GNL1: variants seen among roughly 807,000 people sequenced by gnomAD.
GNL1 encodes the protein guanine nucleotide-binding protein-like 1.
In GNL1, 21 loss-of-function variants were observed where a neutral mutation model predicts 75.2. That is an observed-to-expected ratio of 0.28 (90% CI 0.20 to 0.40). The LOEUF is 0.40. GNL1 is among the 10% of genes least tolerant of loss of function. The pLI, the probability that GNL1 is intolerant of heterozygous loss-of-function variation, is 1.00. For missense variants in GNL1, 579 were observed against 775.0 expected, an observed-to-expected ratio of 0.75 and a Z score of 3.00; for synonymous variants, 287 against 303.4, an observed-to-expected ratio of 0.95 and a Z score of 0.56.
Position 30,547,199 on chromosome 6 carries a change from G to C in GNL1, c.1354C>G (p.Pro452Ala). The C allele has an allele frequency of 6.2e-7, 1 of 1,613,130 alleles. No homozygotes were observed. Among genetic ancestry groups the C allele is most frequent in the Non-Finnish European group, 8.5e-7 (1 of 1,179,498 alleles). Residue 452 changes from proline (P) to alanine (A), a missense_variant, in exon 10 of 12, where the codon CCC becomes GCC. Coordinates refer to ENST00000376621, the MANE Select transcript of GNL1 (RefSeq NM_005275.5). This position sits in a 1 kb window ranked among gnomAD's most constrained non-coding sequence, Gnocchi z 5.5. ...CGCAGGTGGAGCAGGGCCTGCACGG[G>C]AATTCGGGAGGCCAGGTAGCCCACA... ...TAVGYLASRIPVQALLHLRHP... is the reference protein window; with the variant it reads ...TAVGYLASRIAVQALLHLRHP...
chr6:30,555,466 G>A lies in GNL1; in HGVS notation c.239+89C>T, dbSNP rs931660890. On this transcript the variant is annotated intron_variant, in intron 2 of 11. Transcript: ENST00000376621. This position sits in a 1 kb window ranked among gnomAD's most constrained non-coding sequence, Gnocchi z 4.3. ...AGAACTGTGGCATCCCAGGCCCACC[G>A]TCTTCACCAGTAGCAGCCCGCTTTC... 14 of 1,323,478 alleles carry A rather than the reference G, an allele frequency of 1.1e-5. No individual in the cohort carries two copies. The highest frequency in any genetic ancestry group is 1.5e-5 in the Non-Finnish European group (14 of 948,012). The allele number at this position is 1,323,478 out of a possible 1,614,324, so 82.0% of individuals were successfully genotyped here.
At chr6:30,554,741 C>CTGTCCCTAGAGTACACTG in intron 4 of GNL1, 23 bp downstream of exon 4, 1 of 1,612,022 alleles carries the variant, frequency 6.2e-7, no homozygotes. Context: ...TGCCCCACTC[C>CTGTCCCTAGAGTACACTG]TGTCCCTAGA....
chr6:30,548,327 T>C lies in GNL1; in HGVS notation c.1100-797A>G, dbSNP rs1293586079. On this transcript the variant is annotated intron_variant, in intron 8 of 11. Transcript: ENST00000376621. The surrounding 1 kb of genome is among the most constrained non-coding windows in gnomAD (Gnocchi z 4.2). Reference sequence around the variant, plus strand: ...TCTCCCTTCCACAGAGCATCTCCTTTACCCCACCTCAGCTGCCCACTCCCA... The same window carrying C: ...TCTCCCTTCCACAGAGCATCTCCTTCACCCCACCTCAGCTGCCCACTCCCA... 1.3e-5 allele frequency among the ~76,000 whole-genome samples: 2 copies of C among 152,038 alleles called. No homozygotes were observed. Among genetic ancestry groups the C allele is most frequent in the African/African-American group, 2.4e-5 (1 of 41,398 alleles).
At position 30,546,504 on chromosome 6, in the gene GNL1, A is replaced by G. The variant is rs1404589608; in HGVS notation, c.1583-191T>C. On this transcript the variant is annotated intron_variant, in intron 11 of 11. Coordinates refer to ENST00000376621, the MANE Select transcript of GNL1 (RefSeq NM_005275.5). This position sits in a 1 kb window ranked among gnomAD's most constrained non-coding sequence, Gnocchi z 5.1. Reference sequence around the variant, plus strand: ...AGAACCTTTGTGCACATCAACTTCAATCTTTACAATCACTATGCTAAGGGT... The same window carrying G: ...AGAACCTTTGTGCACATCAACTTCAGTCTTTACAATCACTATGCTAAGGGT... The G allele has an allele frequency of 4.5e-6, 3 of 668,390 alleles. No individual in the cohort carries two copies. Among genetic ancestry groups the G allele is most frequent in the Non-Finnish European group, 5.2e-6 (2 of 386,512 alleles). 41.4% of individuals were successfully genotyped at this position (668,390 alleles called of 1,614,324 possible).
rs1310162377 is a variant in GNL1 at position 30,547,117 on chromosome 6, C to T, written c.1436G>A (p.Cys479Tyr). 1 of 1,611,542 alleles carries T rather than the reference C, an allele frequency of 6.2e-7. No individual in the cohort carries two copies. The highest frequency in any genetic ancestry group is 8.5e-7 in the Non-Finnish European group (1 of 1,179,630). Residue 479 changes from cysteine (C) to tyrosine (Y), a missense_variant, in exon 10 of 12, where the codon TGT (cysteine) becomes TAT (tyrosine). Cys to Tyr is a radical substitution (Grantham distance 194). Transcript: ENST00000376621. This position sits in a 1 kb window ranked among gnomAD's most constrained non-coding sequence, Gnocchi z 5.5. ...AEHPWCAWDI[C>Y]EAWAEKRGYK... ...GCCAGGCACATGGAACTCACCTTCA[C>T]AGATGTCCCAGGCACACCAGGGGTG...
At position 30,542,153 on chromosome 6, in the gene GNL1, ACC is replaced by A. The variant is rs1799205082; in HGVS notation, c.*3917_*3918del. ...CGCTTTTCCTCCAAATTATTCCTTA[ACC>A]CTCTGACATCTGGGGCTTCTGATTC... On this transcript the variant is annotated 3_prime_UTR_variant, in exon 12 of 12. Transcript: ENST00000376621. This position sits in a 1 kb window ranked among gnomAD's most constrained non-coding sequence, Gnocchi z 4.5. 1 of 151,236 alleles carries A rather than the reference ACC, an allele frequency of 6.6e-6. No individual in the cohort carries two copies. Among genetic ancestry groups the A allele is most frequent in the African/African-American group, 2.4e-5 (1 of 40,970 alleles). The allele number at this position is 151,236 out of a possible 1,614,324, so 9.4% of individuals were successfully genotyped here. A position where few individuals can be genotyped will look rare whatever the true frequency, so the allele number is the denominator to read the frequency against.
Position 30,543,515 on chromosome 6 carries a change from T to C in GNL1, c.*2557A>G, listed in dbSNP as rs1415773816. ...ATAATTATAGTACTAACCATCTTAT[T>C]TAGTTATGACAGTTCAATAGAAACA... On this transcript the variant is annotated 3_prime_UTR_variant, in exon 12 of 12. Coordinates refer to ENST00000376621, the MANE Select transcript of GNL1 (RefSeq NM_005275.5). 1 of 152,192 alleles carries C rather than the reference T, an allele frequency of 6.6e-6. No individual in the cohort carries two copies. Among genetic ancestry groups the C allele is most frequent in the African/African-American group, 2.4e-5 (1 of 41,452 alleles). The allele number at this position is 152,192 out of a possible 1,614,324, so 9.4% of individuals were successfully genotyped here.
rs1296755404 is a variant in GNL1, at chr6:30,555,908, G to C, written c.74-188C>G. ...CACTCCTTCAGGGAGCAGTGGGGAC[G>C]GCGCCCCGTGCTAGCTGGAGGGATT... On this transcript the variant is annotated intron_variant, in intron 1 of 11. Transcript: ENST00000376621. The surrounding 1 kb of genome is among the most constrained non-coding windows in gnomAD (Gnocchi z 4.3). The C allele has an allele frequency of 2.5e-6, 2 of 787,860 alleles. No individual in the cohort carries two copies. The highest frequency in any genetic ancestry group is 4.0e-6 in the Non-Finnish European group (2 of 494,570). 48.8% of individuals were successfully genotyped at this position (787,860 alleles called of 1,614,324 possible).
intron 5 of GNL1, among the ~76,000 whole-genome samples, 166 bp from the exon 6 acceptor site, chr6:30,553,723 GGTTA>G (rs1472659971): frequency 6.6e-6 from 1 of 152,114 alleles, no homozygotes; most frequent in African/African-American, 2.4e-5. Context: ...ACAAAACAGG[GGTTA>G]GTAATACTTC....
Position 30,547,812 on chromosome 6 carries a change from A to C in GNL1, c.1100-282T>G. On this transcript the variant is annotated intron_variant, in intron 8 of 11. Coordinates refer to ENST00000376621, the MANE Select transcript of GNL1 (RefSeq NM_005275.5). This position sits in a 1 kb window ranked among gnomAD's most constrained non-coding sequence, Gnocchi z 5.5. ...CAGGATTAAATGAGATAACCAATAC[A>C]ACTTGTGTGGGTCAGTGCCTGCAGT... The C allele has an allele frequency of 2.0e-6, 1 of 492,180 alleles. No individual in the cohort carries two copies. Among genetic ancestry groups the C allele is most frequent in the Non-Finnish European group, 3.6e-6 (1 of 280,908 alleles). The allele number at this position is 492,180 out of a possible 1,614,324, so 30.5% of individuals were successfully genotyped here.
chr6:30,554,540 C>T, intron 5 of GNL1, 35 bp downstream of exon 5: 1 of 1,304,590 alleles, frequency 7.7e-7, no homozygotes. Context: ...AACCTTTCTC[C>T]CTCCTCCTTG....
chr6:30,549,001 T>TTG (rs1165385404), intron 8 of GNL1, among the ~76,000 whole-genome samples: 4 of 150,946 alleles, frequency 2.6e-5, no homozygotes, highest in African/African-American at 9.8e-5. Flanking sequence ...CCTTGTTTTT[T>TTG]TTGTTTTTGT....
chr6:30,549,676 C>G (rs1245771509), intron 8 of GNL1, among the ~76,000 whole-genome samples: 1 of 152,134 alleles, frequency 6.6e-6, no homozygotes, highest in African/African-American at 2.4e-5. Context: ...CAAACACCTT[C>G]TTCATTTGAC....
chr6:30,552,610 G>C lies in GNL1; in HGVS notation c.956C>G (p.Thr319Ser). Residue 319 changes from threonine (T) to serine (S), a missense_variant, in exon 8 of 12, where the codon ACC (threonine) becomes AGC (serine). Thr to Ser is a moderately conservative substitution (Grantham distance 58). Coordinates refer to ENST00000376621, the MANE Select transcript of GNL1 (RefSeq NM_005275.5). This position sits in a 1 kb window ranked among gnomAD's most constrained non-coding sequence, Gnocchi z 4.5. ...EKIARDVAGA[T>S]WGNGSGEEEE... ...CTCCTCCCCAGAGCCATTACCCCAG[G>C]TGGCCCCAGCCACATCCCGAGCAAT... The C allele has an allele frequency of 1.2e-6, 2 of 1,614,014 alleles. No individual in the cohort carries two copies. The highest frequency in any genetic ancestry group is 1.7e-6 in the Non-Finnish European group (2 of 1,179,984).
intron 8 of GNL1, among the ~76,000 whole-genome samples, chr6:30,551,544 G>A (rs986615193): frequency 1.3e-5 from 2 of 152,186 alleles, no homozygotes; most frequent in African/African-American, 4.8e-5. Flanking sequence ...ACGGGCCCTG[G>A]GTCCTAATCA....
At chr6:30,549,597 G>A (rs1799647370) in intron 8 of GNL1, among the ~76,000 whole-genome samples, 1 of 152,126 alleles carries the variant, frequency 6.6e-6, no homozygotes, top group Non-Finnish European at 1.5e-5. Context: ...CAAGCCTGCT[G>A]AGCAGCTCTC....
chr6:30,546,848 A>C lies in GNL1; in HGVS notation c.1442-12T>G. ...TTTCTCTGCCCAGGCTGGAGGAAGA[A>C]AAGAATAATGGAAAGGGAAAGCATT... On this transcript the variant is annotated splice_polypyrimidine_tract_variant and intron_variant, in intron 10 of 11. Coordinates refer to ENST00000376621, the MANE Select transcript of GNL1 (RefSeq NM_005275.5). The surrounding 1 kb of genome is among the most constrained non-coding windows in gnomAD (Gnocchi z 5.1). The C allele has an allele frequency of 6.3e-7, 1 of 1,581,168 alleles. No individual in the cohort carries two copies. Among genetic ancestry groups the C allele is most frequent in the Middle Eastern group, 1.9e-4 (1 of 5,148 alleles).
intron 5 of GNL1, 63 bp from the exon 6 acceptor site, chr6:30,553,620 C>T (rs894844111): frequency 8.8e-7 from 1 of 1,130,166 alleles, no homozygotes; most frequent in Non-Finnish European, 1.4e-6. Flanking sequence ...CTGCCTCCAG[C>T]TCCCCACTCA....
chr6:30,547,248 G>C lies in GNL1; in HGVS notation c.1305C>G (p.Ala435=). Residue 435 remains alanine (A), a synonymous_variant, in exon 10 of 12, where the codon GCC becomes GCG. Transcript: ENST00000376621. The surrounding 1 kb of genome is among the most constrained non-coding windows in gnomAD (Gnocchi z 5.5). ...CAGCAGTGTAGGGCTCCTGGATCTG[G>C]GCGATAGGGTAGATCCCTGCCAGAA... ...LQVLAGIYPI[A]QIQEPYTAVG... 5 of 1,607,586 alleles carry C rather than the reference G, an allele frequency of 3.1e-6. No homozygotes were observed. Among genetic ancestry groups the C allele is most frequent in the Non-Finnish European group, 4.2e-6 (5 of 1,176,818 alleles).
Sources: allele counts gnomAD v4.1 joint callset (sites outside exome capture counted in the v4.1 genomes callset), GRCh38; gene constraint gnomAD v4.1.1; non-coding constraint Gnocchi (gnomAD v3.1); transcripts MANE v1.5; gene names NCBI Gene and HGNC (gene_info 2026-07-23, HGNC 2026-07-21).